Variants in RARB observed in about 807,000 individuals in gnomAD.
The protein encoded by RARB is HBV-activated protein.
RARB carries 17 observed loss-of-function variants against 51.9 expected under a neutral mutation model. That is an observed-to-expected ratio of 0.33 (90% CI 0.22 to 0.49). RARB has a LOEUF of 0.49. RARB is among the 20% of genes least tolerant of loss of function. The probability of loss-of-function intolerance (pLI) is 0.99; values close to 1 mark genes in which losing one functional copy is unlikely to be tolerated. For synonymous variants in RARB, 215 were observed against 195.4 expected, an observed-to-expected ratio of 1.10 and a Z score of -0.84; for missense variants, 369 against 550.8, an observed-to-expected ratio of 0.67 and a Z score of 3.30.
At chr3:25,595,579 T>C (rs1701788120) in intron 7 of RARB, among the ~76,000 whole-genome samples, 1 of 152,224 alleles carries the variant, frequency 6.6e-6, no homozygotes, top group Admixed American at 6.5e-5. Flanking sequence ...ACTATCATTC[T>C]GTATAGATGA....
chr3:24,931,204 G>T (rs1695431684), intron 2 of RARB, among the ~76,000 whole-genome samples: 1 of 151,944 alleles, frequency 6.6e-6, no homozygotes, highest in Non-Finnish European at 1.5e-5. Context: ...TATTATTAGT[G>T]TCTCCAGTCT....
intron 2 of RARB, among the ~76,000 whole-genome samples, chr3:25,041,766 A>G (rs1698119277): frequency 6.6e-6 from 1 of 152,164 alleles, no homozygotes; most frequent in African/African-American, 2.4e-5. Flanking sequence ...ACATTATTGA[A>G]TGCATAAATA....
chr3:25,130,915 T>TCAATAATATTGATAA (rs1559477490), intron 3 of RARB, among the ~76,000 whole-genome samples: 4 of 23,132 alleles, frequency 1.7e-4, no homozygotes, highest in African/African-American at 6.3e-4. Context: ...ATTGATAATA[T>TCAATAATATTGATAA]TATCAATATT....
chr3:25,183,773 G>C (rs879704188), intron 5 of RARB, among the ~76,000 whole-genome samples: 2 of 152,110 alleles, frequency 1.3e-5, no homozygotes, highest in Non-Finnish European at 2.9e-5. Flanking sequence ...TCTTTCAACA[G>C]TCAAATTGTA....
chr3:25,221,281 G>A lies in RARB; in HGVS notation c.178+46706G>A, dbSNP rs116769518. Among the ~76,000 whole-genome samples the A allele has an allele frequency of 5.7e-3, 859 of 149,564 alleles. 13 individuals are homozygous for A. The highest frequency in any genetic ancestry group is 0.019 in the African/African-American group (754 of 38,972). On this transcript the variant is annotated intron_variant, in intron 5 of 11. Transcript: ENST00000383772. ...AAAACATTTTTGCAAGGTTCTCCCCGTCTAATTGAGACAACTCTCTGTCCT... is the reference window on the plus strand; with the variant it reads ...AAAACATTTTTGCAAGGTTCTCCCCATCTAATTGAGACAACTCTCTGTCCT...
intron 4 of RARB, among the ~76,000 whole-genome samples, chr3:25,154,365 G>A (rs1217860762): frequency 6.6e-6 from 1 of 152,162 alleles, no homozygotes; most frequent in Admixed American, 6.5e-5. Flanking sequence ...AGCCTTCATT[G>A]TTGACTCTCC....
intron 5 of RARB, among the ~76,000 whole-genome samples, chr3:25,249,586 G>T (rs921503870): frequency 2.0e-5 from 3 of 150,538 alleles, no homozygotes; most frequent in African/African-American, 7.3e-5. Context: ...ATTTGCTTTT[G>T]TAGAGGAGGT....
intron 2 of RARB, among the ~76,000 whole-genome samples, chr3:24,881,527 C>T (rs375688824): frequency 5.9e-5 from 9 of 151,994 alleles, no homozygotes; most frequent in African/African-American, 1.7e-4. Context: ...TTGCATATTA[C>T]GACATTTCAA....
At chr3:25,077,615 G>A (rs1322056108) in intron 3 of RARB, among the ~76,000 whole-genome samples, 1 of 151,630 alleles carries the variant, frequency 6.6e-6, no homozygotes, top group Non-Finnish European at 1.5e-5. Context: ...TTCCAGAGTG[G>A]GGTTTTATAA....
At chr3:25,206,718 A>C (rs1701556750) in intron 5 of RARB, among the ~76,000 whole-genome samples, 1 of 152,200 alleles carries the variant, frequency 6.6e-6, no homozygotes, top group Admixed American at 6.5e-5. Flanking sequence ...TTCTGGAAAA[A>C]ATGTGGTAGG....
chr3:25,433,006 T>C (rs1394008445), intron 1 of RARB, among the ~76,000 whole-genome samples: 1 of 152,216 alleles, frequency 6.6e-6, no homozygotes, highest in Non-Finnish European at 1.5e-5. Context: ...CATTTATCCT[T>C]AAATGACATT....
chr3:25,133,731 G>C (rs939186331), intron 4 of RARB, among the ~76,000 whole-genome samples: 1 of 151,730 alleles, frequency 6.6e-6, no homozygotes, highest in South Asian at 2.1e-4. Flanking sequence ...TAAAATATAA[G>C]AGTTTTTGGC....
intron 2 of RARB, among the ~76,000 whole-genome samples, chr3:24,963,368 T>C (rs979333314): frequency 6.7e-6 from 1 of 150,236 alleles, no homozygotes; most frequent in Non-Finnish European, 1.5e-5. Context: ...TTTTTGTCCT[T>C]GGTCAGCTGT....
At chr3:25,308,951 T>C (rs1030028387) in intron 5 of RARB, among the ~76,000 whole-genome samples, 5 of 152,068 alleles carry the variant, frequency 3.3e-5, no homozygotes, top group African/African-American at 1.2e-4. Flanking sequence ...CTAGAAGTTA[T>C]ATTTCTTGTT....
chr3:24,961,854 G>A (rs956381129), intron 2 of RARB, among the ~76,000 whole-genome samples: 1 of 148,176 alleles, frequency 6.7e-6, no homozygotes, highest in African/African-American at 2.5e-5. Context: ...AAAGCATTTT[G>A]GTTTTCTTAT....
At chr3:25,370,701 G>A (rs1201426483) in intron 5 of RARB, among the ~76,000 whole-genome samples, 2 of 152,334 alleles carry the variant, frequency 1.3e-5, no homozygotes, top group African/African-American at 4.8e-5. Flanking sequence ...GGAGCCTTGA[G>A]TGACAGCTGA....
intron 5 of RARB, among the ~76,000 whole-genome samples, chr3:25,231,706 T>A (rs1169906527): frequency 6.6e-6 from 1 of 152,214 alleles, no homozygotes; most frequent in Non-Finnish European, 1.5e-5. Context: ...TTCATGTGTT[T>A]ACTTGCCTTC....
At chr3:25,171,645 A>AAAAAAAAAAAAAC (rs1700648731) in intron 4 of RARB, among the ~76,000 whole-genome samples, 1 of 145,170 alleles carries the variant, frequency 6.9e-6, no homozygotes, top group Non-Finnish European at 1.5e-5. Flanking sequence ...CTGGTTGGTA[A>AAAAAAAAAAAAAC]AAAAAAAAAA....
intron 2 of RARB, among the ~76,000 whole-genome samples, chr3:24,964,959 A>G (rs1032704699): frequency 2.0e-5 from 3 of 152,202 alleles, no homozygotes; most frequent in African/African-American, 4.8e-5. Flanking sequence ...TATGAACTAT[A>G]TACAGTGATT....
Sources: allele counts gnomAD v4.1 joint callset (sites outside exome capture counted in the v4.1 genomes callset), GRCh38; gene constraint gnomAD v4.1.1; transcripts MANE v1.5; gene names NCBI Gene and HGNC (gene_info 2026-07-23, HGNC 2026-07-21).